Variants in MAP4K4 observed in about 807,000 individuals in gnomAD.
MAP4K4 encodes mitogen-activated protein kinase kinase kinase kinase 4, also known as HPK/GCK-like kinase HGK.
In MAP4K4, 38 loss-of-function variants were observed where a neutral mutation model predicts 189.6. The ratio of observed to expected loss-of-function variants is 0.20; its 90% CI spans 0.15 to 0.26. The LOEUF is 0.26. Ranked by LOEUF, MAP4K4 falls within the 10% of genes least tolerant of loss-of-function variation. MAP4K4 has a pLI of 1.00. For synonymous variants in MAP4K4, 610 were observed against 624.3 expected, an observed-to-expected ratio of 0.98 and a Z score of 0.34; for missense variants, 1,054 against 1,726.9, an observed-to-expected ratio of 0.61 and a Z score of 6.91.
At chr2:101,831,409 C>T (rs2096592235) in intron 6 of MAP4K4, among the ~76,000 whole-genome samples, 1 of 152,066 alleles carries the variant, frequency 6.6e-6, no homozygotes, top group Non-Finnish European at 1.5e-5. Flanking sequence ...TGTGGCAGTT[C>T]TCTGAAAGCA....
chr2:101,824,112 TGGCGGGGGTGGG>T lies in MAP4K4; in HGVS notation c.306+68_306+79del. On this transcript the variant is annotated intron_variant, in intron 4 of 32. Transcript: ENST00000324219. ...TCCATTTGCTTGAATTGTAAGGGCA[TGGCGGGGGTGGG>T]GGCGGGGGAAAGAGGGGGGGAAGAA... 3.1e-4 allele frequency: 14 copies of T among 45,600 alleles called. 1 individual carries two copies. The highest frequency in any genetic ancestry group is 6.8e-4 in the Non-Finnish European group (13 of 19,124). The allele number at this position is 45,600 out of a possible 1,614,324, so 2.8% of individuals were successfully genotyped here.
chr2:101,728,664 G>A (rs746197161), intron 2 of MAP4K4, among the ~76,000 whole-genome samples: 7 of 152,032 alleles, frequency 4.6e-5, no homozygotes, highest in East Asian at 3.9e-4. Flanking sequence ...GACTACAGGC[G>A]TGCACCACCA....
intron 3 of MAP4K4, among the ~76,000 whole-genome samples, chr2:101,818,998 G>T (rs565386251): frequency 6.6e-6 from 1 of 152,144 alleles, no homozygotes; most frequent in Non-Finnish European, 1.5e-5. Flanking sequence ...TTATACTTGT[G>T]ACCTGCTAAA....
chr2:101,876,753 A>G (rs890689052), intron 26 of MAP4K4, among the ~76,000 whole-genome samples: 3 of 152,232 alleles, frequency 2.0e-5, no homozygotes, highest in African/African-American at 7.2e-5. Context: ...AATTGATGGG[A>G]TGAGGGTTTC....
intron 3 of MAP4K4, among the ~76,000 whole-genome samples, chr2:101,805,072 CAAAAAAAAAA>C (rs36081384): frequency 3.5e-5 from 2 of 56,438 alleles, no homozygotes; most frequent in Non-Finnish European, 7.6e-5. Flanking sequence ...GACTCCAGAT[CAAAAAAAAAA>C]AAAAAAAAAA....
rs374842800 is a variant in MAP4K4 at position 101,834,405 on chromosome 2, G to A, written c.640-4G>A. 1.5e-3 allele frequency: 2,384 copies of A among 1,603,024 alleles called. 58 individuals are homozygous for A. The South Asian group carries it at 0.025, about 17-fold the overall frequency. ...ATCTGTAACGTACTGTTTTATTTTT[G>A]CAGAGTGATCTTTGGTCTTGTGGCA... is the stretch of plus-strand genomic sequence containing the variant. On this transcript the variant is annotated splice_polypyrimidine_tract_variant and splice_region_variant and intron_variant, in intron 7 of 32. Transcript: ENST00000324219.
chr2:101,877,230 T>A, intron 27 of MAP4K4, 84 bp downstream of exon 27: 1 of 1,344,680 alleles, frequency 7.4e-7, no homozygotes, highest in South Asian at 1.3e-5. Context: ...AGTTAGCTCA[T>A]TCACTGATGT....
intron 8 of MAP4K4, among the ~76,000 whole-genome samples, chr2:101,835,361 C>T (rs1177696718): frequency 6.6e-6 from 1 of 152,178 alleles, no homozygotes; most frequent in African/African-American, 2.4e-5. Flanking sequence ...TACATGTGTG[C>T]CTAACACACC....
At chr2:101,840,107 G>C (rs2096871355) in intron 10 of MAP4K4, 113 bp downstream of exon 10, 1 of 1,029,754 alleles carries the variant, frequency 9.7e-7, no homozygotes, top group Non-Finnish European at 1.4e-6. Flanking sequence ...GCCAGTGCTT[G>C]CATGGTTTCT....
chr2:101,870,255 A>G (rs1194701336), intron 22 of MAP4K4, 40 bp from the exon 23 acceptor site: 4 of 1,602,330 alleles, frequency 2.5e-6, no homozygotes, highest in Non-Finnish European at 1.7e-6. Context: ...CCTTGACTCC[A>G]GAGATTAAGG....
chr2:101,810,592 T>TA (rs1474721858), intron 3 of MAP4K4, among the ~76,000 whole-genome samples: 1 of 152,116 alleles, frequency 6.6e-6, no homozygotes, highest in Non-Finnish European at 1.5e-5. Flanking sequence ...CCCAAGTAAT[T>TA]AGAGATGTCT....
At chr2:101,839,980 A>G (rs2096867570) in exon 10 of MAP4K4, 2 of 1,597,008 alleles carry the variant, frequency 1.3e-6, no homozygotes, top group Admixed American at 1.8e-5. Flanking sequence ...ACCAGGAAGA[A>G]GAGAGGCGAG....
intron 13 of MAP4K4, among the ~76,000 whole-genome samples, chr2:101,857,819 T>C (rs997626488): frequency 6.6e-6 from 1 of 152,282 alleles, no homozygotes; most frequent in East Asian, 1.9e-4. Flanking sequence ...CCCAGAGATA[T>C]TGGTTAACTA....
At chr2:101,729,164 C>T (rs2057255582) in intron 2 of MAP4K4, among the ~76,000 whole-genome samples, 1 of 143,874 alleles carries the variant, frequency 7.0e-6, no homozygotes. Context: ...ATCCTTTTTT[C>T]CTGTAAGGCC....
At chr2:101,823,366 G>A (rs1160425211) in intron 3 of MAP4K4, among the ~76,000 whole-genome samples, 2 of 152,118 alleles carry the variant, frequency 1.3e-5, no homozygotes, top group African/African-American at 2.4e-5. Flanking sequence ...ACCTCTTTTC[G>A]GGTTAGTGGA....
At chr2:101,875,233 A>G (rs939601333) in intron 26 of MAP4K4, among the ~76,000 whole-genome samples, 1 of 152,244 alleles carries the variant, frequency 6.6e-6, no homozygotes, top group Non-Finnish European at 1.5e-5. Context: ...TAATATTCAA[A>G]TAAGTTCCAC....
intron 4 of MAP4K4, 75 bp from the exon 5 acceptor site, chr2:101,825,244 G>A: frequency 1.3e-6 from 1 of 792,820 alleles, no homozygotes; most frequent in South Asian, 1.6e-5. Context: ...AGAAAAGAGA[G>A]GGCATGGCGG....
intron 3 of MAP4K4, among the ~76,000 whole-genome samples, chr2:101,801,655 A>G (rs1454384915): frequency 1.3e-5 from 2 of 152,218 alleles, no homozygotes; most frequent in Admixed American, 1.3e-4. Flanking sequence ...ACCCAGATCA[A>G]AATCCCAGAT....
At chr2:101,863,724 C>A in intron 16 of MAP4K4, 97 bp from the exon 17 acceptor site, 3 of 714,962 alleles carry the variant, frequency 4.2e-6, no homozygotes, top group Non-Finnish European at 6.8e-6. Flanking sequence ...GGTGTGTATT[C>A]CGCCTCTGCC....
Sources: allele counts gnomAD v4.1 joint callset (sites outside exome capture counted in the v4.1 genomes callset), GRCh38; gene constraint gnomAD v4.1.1; transcripts MANE v1.5; gene names NCBI Gene and HGNC (gene_info 2026-07-23, HGNC 2026-07-21).